GRIA2: variants seen among roughly 807,000 people sequenced by gnomAD.
GRIA2 encodes glutamate receptor 2.
In GRIA2, 14 loss-of-function variants were observed where a neutral mutation model predicts 97.3. That is an observed-to-expected ratio of 0.14 (90% confidence interval 0.10 to 0.23). The LOEUF is 0.23. GRIA2 is among the 10% of genes least tolerant of loss of function. The probability of loss-of-function intolerance (pLI) is 1.00; values close to 1 mark genes in which losing one functional copy is unlikely to be tolerated. For synonymous variants in GRIA2, 412 were observed against 387.8 expected (o/e 1.06, Z -0.73); for missense variants, 558 against 1,069.8 (o/e 0.52, Z 6.67).
At chr4:157,293,611 A>G (rs978190673) in intron 2 of GRIA2, among the ~76,000 whole-genome samples, 6 of 152,160 alleles carry the variant, frequency 3.9e-5, no homozygotes, top group Non-Finnish European at 8.8e-5. Context: ...TTTAATCAGT[A>G]TGCTTGTTTA....
chr4:157,336,345 G>C, intron 10 of GRIA2, 32 bp from the exon 11 acceptor site: 1 of 1,492,648 alleles, frequency 6.7e-7, no homozygotes, highest in Non-Finnish European at 9.0e-7. Context: ...CATGACTCCA[G>C]GTACTATTAC....
intron 6 of GRIA2, among the ~76,000 whole-genome samples, chr4:157,332,226 C>T (rs1458373412): frequency 6.6e-6 from 1 of 151,958 alleles, no homozygotes; most frequent in African/African-American, 2.4e-5. Context: ...CCAATGTTAT[C>T]ATATACTATT....
intron 2 of GRIA2, among the ~76,000 whole-genome samples, chr4:157,229,315 C>A (rs1383900186): frequency 6.6e-6 from 1 of 151,948 alleles, no homozygotes; most frequent in Non-Finnish European, 1.5e-5. Context: ...GGGTGAAACA[C>A]CTTGTTATTA....
At chr4:157,310,687 C>A (rs1426269460) in intron 3 of GRIA2, among the ~76,000 whole-genome samples, 3 of 151,798 alleles carry the variant, frequency 2.0e-5, no homozygotes, top group Non-Finnish European at 4.4e-5. Context: ...AAATATTATT[C>A]TTTTTTCCAC....
At chr4:157,248,400 A>G (rs1239964276) in intron 2 of GRIA2, among the ~76,000 whole-genome samples, 1 of 149,774 alleles carries the variant, frequency 6.7e-6, no homozygotes, top group Non-Finnish European at 1.5e-5. Context: ...AATAATTAAT[A>G]TATTCAAAAT....
At chr4:157,234,122 T>G (rs1030205290) in intron 2 of GRIA2, among the ~76,000 whole-genome samples, 1 of 152,132 alleles carries the variant, frequency 6.6e-6, no homozygotes, top group Non-Finnish European at 1.5e-5. Flanking sequence ...TTCTCCTCTG[T>G]AAAATGGGGT....
At chr4:157,239,458 C>T (rs1730400064) in intron 2 of GRIA2, among the ~76,000 whole-genome samples, 1 of 151,908 alleles carries the variant, frequency 6.6e-6, no homozygotes, top group South Asian at 2.1e-4. Context: ...AAAGAACTTG[C>T]CTCTGCCAAT....
intron 2 of GRIA2, among the ~76,000 whole-genome samples, chr4:157,287,239 C>T (rs1437845790): frequency 6.6e-6 from 1 of 151,656 alleles, no homozygotes; most frequent in East Asian, 1.9e-4. Flanking sequence ...ATTTTTCTTT[C>T]AAATTTAACT....
intron 2 of GRIA2, among the ~76,000 whole-genome samples, chr4:157,256,549 A>C (rs944182332): frequency 3.3e-5 from 5 of 151,670 alleles, no homozygotes; most frequent in African/African-American, 1.2e-4. Context: ...CTTAGATAGA[A>C]ATAAATTCTG....
At chr4:157,310,111 T>C (rs1246160419) in intron 3 of GRIA2, among the ~76,000 whole-genome samples, 1 of 152,164 alleles carries the variant, frequency 6.6e-6, no homozygotes, top group Non-Finnish European at 1.5e-5. Context: ...AGCTGTCGAA[T>C]TGATCATAAT....
chr4:157,322,786 T>C, intron 6 of GRIA2, among the ~76,000 whole-genome samples: 1 of 152,188 alleles, frequency 6.6e-6, no homozygotes, highest in East Asian at 1.9e-4. Flanking sequence ...AGGACAGTGT[T>C]ATTTCAGTTG....
chr4:157,359,825 C>CT (rs1736557017), intron 12 of GRIA2, 71 bp from the exon 13 acceptor site: 1 of 1,383,966 alleles, frequency 7.2e-7, no homozygotes, highest in Non-Finnish European at 1.0e-6. Context: ...AGTAATACCT[C>CT]TTTTTGTGTT....
intron 2 of GRIA2, among the ~76,000 whole-genome samples, chr4:157,277,912 A>ATATATATATGTATATATGTG (rs1732420116): frequency 6.9e-6 from 1 of 145,842 alleles, no homozygotes; most frequent in Non-Finnish European, 1.5e-5. Context: ...GTATATATGT[A>ATATATATATGTATATATGTG]TATATATGTA....
intron 5 of GRIA2, among the ~76,000 whole-genome samples, chr4:157,318,371 A>G (rs1255749630): frequency 6.6e-6 from 1 of 152,198 alleles, no homozygotes; most frequent in African/African-American, 2.4e-5. Flanking sequence ...TTGAGATATT[A>G]TGCATTATTT....
chr4:157,249,776 G>C (rs1444378807), intron 2 of GRIA2: 3 of 152,084 alleles, frequency 2.0e-5, no homozygotes, highest in Non-Finnish European at 4.4e-5. Context: ...ACTGTTAATT[G>C]TTAATACAAA....
chr4:157,360,192 C>T (rs768285826), intron 13 of GRIA2, 49 bp downstream of exon 13: 4 of 1,573,714 alleles, frequency 2.5e-6, no homozygotes, highest in Non-Finnish European at 3.5e-6. Context: ...TAGTATCCCA[C>T]CTACCCTGAT....
chr4:157,343,078 T>TTGC (rs1735615527), intron 12 of GRIA2, among the ~76,000 whole-genome samples: 1 of 152,078 alleles, frequency 6.6e-6, no homozygotes, highest in South Asian at 2.1e-4. Context: ...GAAAAGAATG[T>TTGC]TGCTACTCTT....
chr4:157,360,789 G>A, intron 13 of GRIA2: 1 of 582,238 alleles, frequency 1.7e-6, no homozygotes, highest in Non-Finnish European at 3.2e-6. Context: ...CCCCATATTA[G>A]CACTCTTTCC....
At position 157,268,167 on chromosome 4, in the gene GRIA2, G is replaced by A. The variant is rs148258547; in HGVS notation, c.230-35385G>A. On this transcript the variant is annotated intron_variant, in intron 2 of 15. Transcript: ENST00000264426. ...GAGACAGGTCTTTAATAGTATTTGAGTTATTCAAGGTTATACTGAATGTTT... is the reference window on the plus strand; with the variant it reads ...GAGACAGGTCTTTAATAGTATTTGAATTATTCAAGGTTATACTGAATGTTT... 8.6e-3 allele frequency among the ~76,000 whole-genome samples: 1,309 copies of A among 152,122 alleles called. 12 individuals are homozygous for A. The highest frequency in any genetic ancestry group is 0.031 in the Middle Eastern group (9 of 294).
Sources: gnomAD v4.1 joint callset for allele counts (sites outside exome capture counted in the v4.1 genomes callset) on GRCh38, gnomAD v4.1.1 for gene constraint, MANE v1.5 for transcripts, NCBI Gene and HGNC (gene_info 2026-07-23, HGNC 2026-07-21) for gene names.